PRDM15: variants seen among roughly 807,000 people sequenced by gnomAD.
The protein encoded by PRDM15 is PR/SET domain 15.
Under a neutral mutation model 128.6 loss-of-function variants are expected in PRDM15, and 64 were observed. That is an observed-to-expected ratio of 0.50 (90% CI 0.41 to 0.61). The LOEUF (loss-of-function observed/expected upper bound fraction) is 0.61. Among genes scored for constraint, PRDM15 ranks in the 20% least tolerant of loss-of-function variants. The probability of loss-of-function intolerance (pLI) is 0.00; values close to 1 mark genes in which losing one functional copy is unlikely to be tolerated. For synonymous variants in PRDM15, 615 were observed against 621.8 expected (o/e 0.99, Z 0.16); for missense variants, 1,242 against 1,569.1 (o/e 0.79, Z 3.52).
At chr21:41,812,105 A>G (rs989438046) in intron 19 of PRDM15, 1 of 152,178 alleles carries the variant, frequency 6.6e-6, no homozygotes, top group East Asian at 1.9e-4. Context: ...ACTCGTGCCC[A>G]CGGATTCTAA....
At chr21:41,837,160 C>G (rs1568957982) in intron 8 of PRDM15, among the ~76,000 whole-genome samples, 1 of 152,062 alleles carries the variant, frequency 6.6e-6, no homozygotes, top group Non-Finnish European at 1.5e-5. Flanking sequence ...CGAAAAGGGC[C>G]AAAAAGAAGT....
intron 5 of PRDM15, among the ~76,000 whole-genome samples, chr21:41,849,290 G>A (rs9325629): frequency 0.62 from 94,799 of 152,072 alleles, 29,866 homozygotes; most frequent in Admixed American, 0.71. Flanking sequence ...CTAAACTGGC[G>A]GGAACACTGG....
Position 41,859,550 on chromosome 21 carries a change from G to A in PRDM15, c.131+42C>T, listed in dbSNP as rs759877795. 1.3e-5 allele frequency: 19 copies of A among 1,519,176 alleles called. No individual in the cohort carries two copies. Among genetic ancestry groups the A allele is most frequent in the Non-Finnish European group, 1.6e-5 (18 of 1,097,924 alleles). 94.1% of individuals were successfully genotyped at this position (1,519,176 alleles called of 1,614,324 possible). A position where few individuals can be genotyped will look rare whatever the true frequency, so the allele number is the denominator to read the frequency against. ...CAAAGGCCACTAGGCTCCTGCCGCA[G>A]CTGGCATATGGAAGGCCCGGGAGCT... On this transcript the variant is annotated intron_variant, in intron 3 of 23. Transcript: ENST00000398548. This position sits in a 1 kb window ranked among gnomAD's most constrained non-coding sequence, Gnocchi z 5.3.
intron 5 of PRDM15, among the ~76,000 whole-genome samples, chr21:41,851,560 G>C (rs114153312): frequency 1.9e-3 from 287 of 152,340 alleles, no homozygotes; most frequent in African/African-American, 6.6e-3. Context: ...CAGTGTGTGT[G>C]TGGCGGGGGC....
chr21:41,837,890 ATTGT>A (rs2062947528), intron 8 of PRDM15, 40 bp downstream of exon 8: 8 of 1,610,884 alleles, frequency 5.0e-6, no homozygotes, highest in Non-Finnish European at 5.9e-6. Flanking sequence ...TGCTGCCAGC[ATTGT>A]CTGTCCACAG....
intron 22 of PRDM15, 161 bp from the exon 23 acceptor site, chr21:41,803,082 A>G: frequency 1.5e-6 from 1 of 645,918 alleles, no homozygotes; most frequent in South Asian, 1.8e-5. Flanking sequence ...TGGGTCTTGT[A>G]TTTCTAAGGA....
chr21:41,806,484 T>C lies in PRDM15; in HGVS notation c.2653-1870A>G, dbSNP rs1372446618. ...CATCACCACCAGCACCACCCATTAC[T>C]ACCACCACCATCACCACCATCACCA... is the stretch of plus-strand genomic sequence containing the variant. On this transcript the variant is annotated intron_variant, in intron 21 of 23. Coordinates refer to ENST00000398548, the MANE Select transcript of PRDM15 (RefSeq NM_001040424.3). Among the ~76,000 whole-genome samples the C allele has an allele frequency of 3.2e-4, 11 of 33,852 alleles. 1 individual carries two copies. The highest frequency in any genetic ancestry group is 1.2e-3 in the South Asian group (1 of 802). The allele number at this position is 33,852 out of a possible 152,430, so 22.2% of individuals were successfully genotyped here.
At chr21:41,813,059 C>G (rs2146296787) in intron 19 of PRDM15, 1 of 152,476 alleles carries the variant, frequency 6.6e-6, no homozygotes, top group South Asian at 2.1e-4. Flanking sequence ...TCTGGGGGGT[C>G]AGGGGCAAGC....
In PRDM15 at chr21:41,879,001, G is replaced by A. The variant is rs1478678305; in HGVS notation, c.-10+269C>T. On this transcript the variant is annotated intron_variant, in intron 1 of 23. Coordinates refer to ENST00000398548, the MANE Select transcript of PRDM15 (RefSeq NM_001040424.3). The surrounding 1 kb of genome is among the most constrained non-coding windows in gnomAD (Gnocchi z 5.1). Reference sequence around the variant, plus strand: ...AGCGCCCGCGGCGGCGGGACCCGGCGGGCGGGCGGCGCGCAGGGCGATCCC... The same window carrying A: ...AGCGCCCGCGGCGGCGGGACCCGGCAGGCGGGCGGCGCGCAGGGCGATCCC... 3 of 1,009,432 alleles carry A rather than the reference G, an allele frequency of 3.0e-6. No individual in the cohort carries two copies. Among genetic ancestry groups the A allele is most frequent in the South Asian group, 3.8e-5 (1 of 26,392 alleles). The allele number at this position is 1,009,432 out of a possible 1,614,324, so 62.5% of individuals were successfully genotyped here. A position where few individuals can be genotyped will look rare whatever the true frequency, so the allele number is the denominator to read the frequency against.
At chr21:41,820,994 G>C (rs544764926) in intron 16 of PRDM15, 73 bp downstream of exon 16, 2 of 1,579,350 alleles carry the variant, frequency 1.3e-6, no homozygotes, top group Admixed American at 1.7e-5. Flanking sequence ...GCTCCTTATA[G>C]CATGTGTCTC....
rs917977562 is a variant in PRDM15, at chr21:41,854,280, T to C, written c.538+286A>G. ...GAGAGTGCGCTCTACCATGCACTCA[T>C]GACAATGCCATCGCCCCAGGACACA... On this transcript the variant is annotated intron_variant, in intron 5 of 23. Transcript: ENST00000398548. This position sits in a 1 kb window ranked among gnomAD's most constrained non-coding sequence, Gnocchi z 4.6. Among the ~76,000 whole-genome samples, 1 of 152,206 alleles carries C rather than the reference T, an allele frequency of 6.6e-6. No individual in the cohort carries two copies. Among genetic ancestry groups the C allele is most frequent in the Non-Finnish European group, 1.5e-5 (1 of 68,044 alleles).
At chr21:41,839,948 A>G (rs1264418304) in intron 6 of PRDM15, 95 bp from the exon 7 acceptor site, 17 of 1,036,026 alleles carry the variant, frequency 1.6e-5, no homozygotes, top group Non-Finnish European at 2.4e-5. Flanking sequence ...TGTGTTTTCA[A>G]TCTTGTTTGC....
At chr21:41,805,096 C>T (rs775184427) in intron 21 of PRDM15, among the ~76,000 whole-genome samples, 101 of 152,266 alleles carry the variant, frequency 6.6e-4, no homozygotes, top group Non-Finnish European at 1.4e-3. Context: ...GAAGTGACGC[C>T]CTGCCCCTAC....
At chr21:41,868,817 G>A (rs2064110347) in intron 1 of PRDM15, among the ~76,000 whole-genome samples, 1 of 149,462 alleles carries the variant, frequency 6.7e-6, no homozygotes, top group Non-Finnish European at 1.5e-5. Context: ...CAGCCTCCAA[G>A]TAACTGGGAG....
chr21:41,806,507 C>CTACCACCAA (rs2061650543), intron 21 of PRDM15, among the ~76,000 whole-genome samples: 1 of 56,800 alleles, frequency 1.8e-5, no homozygotes, highest in African/African-American at 9.0e-5. Flanking sequence ...ACCACCATCA[C>CTACCACCAA]CATCACCACC....
At chr21:41,868,054 A>AG (rs2064076948) in intron 1 of PRDM15, among the ~76,000 whole-genome samples, 1 of 146,640 alleles carries the variant, frequency 6.8e-6, no homozygotes, top group African/African-American at 2.5e-5. Context: ...AAAAAAAAAA[A>AG]GAATGTCATA....
rs143386533 is a variant in PRDM15, at chr21:41,860,898, T to C, written c.-9-526A>G. Among the ~76,000 whole-genome samples the C allele has an allele frequency of 1.2e-4, 18 of 152,364 alleles. No homozygotes were observed. In the East Asian group the frequency reaches 2.9e-3, roughly 24 times the overall value. ...ATAATGTTATTTTTAATGAAAGCAA[T>C]GGATTTGAATGGCCTCATGAACTCA... On this transcript the variant is annotated intron_variant, in intron 1 of 23. Coordinates refer to ENST00000398548, the MANE Select transcript of PRDM15 (RefSeq NM_001040424.3).
intron 7 of PRDM15, 92 bp downstream of exon 7, chr21:41,839,531 C>T (rs528759711): frequency 6.8e-5 from 69 of 1,019,684 alleles, no homozygotes; most frequent in Admixed American, 6.3e-4. Flanking sequence ...TGAGTTTTCC[C>T]GCCCCGCCCT....
intron 6 of PRDM15, among the ~76,000 whole-genome samples, chr21:41,840,616 A>G (rs1162839455): frequency 1.3e-5 from 2 of 152,130 alleles, no homozygotes; most frequent in Non-Finnish European, 2.9e-5. Context: ...CAACAACAAC[A>G]AAAGCAAGAA....
Sources: allele counts gnomAD v4.1 joint callset (sites outside exome capture counted in the v4.1 genomes callset), GRCh38; gene constraint gnomAD v4.1.1; non-coding constraint Gnocchi (gnomAD v3.1); transcripts MANE v1.5; gene names NCBI Gene and HGNC (gene_info 2026-07-23, HGNC 2026-07-21).